Variants in PER3 observed in about 807,000 individuals in gnomAD.
The protein encoded by PER3 is period circadian protein homolog 3.
Under a neutral mutation model 127.2 loss-of-function variants are expected in PER3, and 107 were observed. That is an observed-to-expected ratio of 0.84 (90% CI 0.72 to 0.99). PER3 has a LOEUF of 0.99. Among genes scored for constraint, PER3 ranks in the 50% least tolerant of loss-of-function variants. The probability of loss-of-function intolerance (pLI) is 0.00; values close to 1 mark genes in which losing one functional copy is unlikely to be tolerated. For missense variants in PER3, 1,560 were observed against 1,525.8 expected (o/e 1.02, Z -0.37); for synonymous variants, 618 against 585.8 (o/e 1.05, Z -0.79).
intron 16 of PER3, among the ~76,000 whole-genome samples, chr1:7,823,543 G>A (rs987627031): frequency 5.9e-5 from 9 of 152,046 alleles, no homozygotes; most frequent in Non-Finnish European, 1.2e-4. Context: ...TCAGGAGGCT[G>A]AGGCAGGAGA....
At chr1:7,810,660 A>G in intron 13 of PER3, 72 bp downstream of exon 13, 2 of 1,407,486 alleles carry the variant, frequency 1.4e-6, no homozygotes, top group Non-Finnish European at 1.9e-6. Context: ...CATGTATGTG[A>G]TTCGTGAGCA....
intron 16 of PER3, among the ~76,000 whole-genome samples, chr1:7,823,557 G>A (rs697689): frequency 0.22 from 33,698 of 151,810 alleles, 4,338 homozygotes; most frequent in East Asian, 0.47. Context: ...CAGGAGAATC[G>A]CTTGAACCTG....
rs140752823 is a variant in PER3, at chr1:7,826,797, T to G, written c.2188+87T>G. On this transcript the variant is annotated intron_variant, in intron 17 of 21. Coordinates refer to ENST00000377532, the MANE Select transcript of PER3 (RefSeq NM_001377275.1). The surrounding 1 kb of genome is among the most constrained non-coding windows in gnomAD (Gnocchi z 4.2). The stretch of plus-strand genomic sequence containing the variant: ...GGACTAGGAGATAAGGAGTGAACAA[T>G]AGGAGTTTTACTTGTAAGAAACTGA... 2 of 781,368 alleles carry G rather than the reference T, an allele frequency of 2.6e-6. No individual in the cohort carries two copies. Among genetic ancestry groups the G allele is most frequent in the African/African-American group, 1.7e-5 (1 of 57,480 alleles). The allele number at this position is 781,368 out of a possible 1,614,324, so 48.4% of individuals were successfully genotyped here.
chr1:7,822,251 A>G (rs2097280198), intron 16 of PER3, among the ~76,000 whole-genome samples: 1 of 123,756 alleles, frequency 8.1e-6, no homozygotes, highest in Non-Finnish European at 1.7e-5. Context: ...AAAAAATTTA[A>G]AAAAAAATTT....
intron 7 of PER3, among the ~76,000 whole-genome samples, chr1:7,799,370 C>T (rs1230538288): frequency 2.0e-5 from 3 of 151,976 alleles, no homozygotes; most frequent in Admixed American, 6.6e-5. Context: ...TTTGGGAGGC[C>T]GAGGCGGGTG....
chr1:7,825,795 G>A (rs1459528632), intron 16 of PER3, among the ~76,000 whole-genome samples: 11 of 151,672 alleles, frequency 7.3e-5, no homozygotes, highest in Admixed American at 4.6e-4. Flanking sequence ...GGAGGCTGAA[G>A]CAGGAGAATC....
intron 13 of PER3, among the ~76,000 whole-genome samples, chr1:7,818,737 G>C (rs1406598899): frequency 6.6e-6 from 1 of 152,150 alleles, no homozygotes; most frequent in Admixed American, 6.5e-5. Flanking sequence ...TAGTTTCTCA[G>C]TTGCTTTAGC....
intron 13 of PER3, among the ~76,000 whole-genome samples, chr1:7,817,426 C>T (rs772910615): frequency 6.6e-6 from 1 of 152,200 alleles, no homozygotes; most frequent in African/African-American, 2.4e-5. Flanking sequence ...AACAGTGCTT[C>T]AACTGTATCT....
intron 13 of PER3, among the ~76,000 whole-genome samples, chr1:7,818,362 G>A (rs1003693636): frequency 3.3e-5 from 5 of 152,180 alleles, no homozygotes; most frequent in African/African-American, 1.2e-4. Flanking sequence ...AGGTAATACA[G>A]TCATTTTTCC....
In PER3 at chr1:7,798,264, G is replaced by GGAGAAAAGTCATGGAACCAC. The variant is rs2097154687; in HGVS notation, c.645-260_645-241dup. On this transcript the variant is annotated intron_variant, in intron 6 of 21. Coordinates refer to ENST00000377532, the MANE Select transcript of PER3 (RefSeq NM_001377275.1). ...CTGGGAATGCATCACATGGAGGCCAGGAGAAAAGTCATGGAACCACTAATT... is the reference window on the plus strand; with the variant it reads ...CTGGGAATGCATCACATGGAGGCCAGGAGAAAAGTCATGGAACCACGAGAAAAGTCATGGAACCACTAATT... Among the ~76,000 whole-genome samples the GGAGAAAAGTCATGGAACCAC allele has an allele frequency of 5.9e-5, 9 of 152,324 alleles. No individual in the cohort carries two copies. The South Asian group carries it at 1.9e-3, about 32-fold the overall frequency.
Position 7,826,762 on chromosome 1 carries a change from C to T in PER3, c.2188+52C>T. On this transcript the variant is annotated intron_variant, in intron 17 of 21. Coordinates refer to ENST00000377532, the MANE Select transcript of PER3 (RefSeq NM_001377275.1). This position sits in a 1 kb window ranked among gnomAD's most constrained non-coding sequence, Gnocchi z 4.2. ...CATTAATCTATGTAAATGTTACAAA[C>T]TGTATCTAAGGACTAGGAGATAAGG... 1 of 1,089,226 alleles carries T rather than the reference C, an allele frequency of 9.2e-7. No individual in the cohort carries two copies. 67.5% of individuals were successfully genotyped at this position (1,089,226 alleles called of 1,614,324 possible). A position where few individuals can be genotyped will look rare whatever the true frequency, so the allele number is the denominator to read the frequency against.
chr1:7,785,992 C>T (rs1276147038), intron 3 of PER3, among the ~76,000 whole-genome samples: 1 of 152,224 alleles, frequency 6.6e-6, no homozygotes, highest in Non-Finnish European at 1.5e-5. Context: ...CGCGGTGCCT[C>T]ACGCCTGTAA....
intron 10 of PER3, among the ~76,000 whole-genome samples, chr1:7,805,761 G>C (rs1039788787): frequency 3.3e-5 from 5 of 152,132 alleles, no homozygotes; most frequent in Admixed American, 2.0e-4. Context: ...CTCGTTGATG[G>C]TCTGTGTTCC....
chr1:7,805,702 G>A (rs989846285), intron 10 of PER3, among the ~76,000 whole-genome samples: 22 of 152,134 alleles, frequency 1.4e-4, no homozygotes, highest in Admixed American at 5.9e-4. Context: ...TGGCATGAAC[G>A]TAGGAAACTG....
At chr1:7,818,030 C>T (rs1243830820) in intron 13 of PER3, among the ~76,000 whole-genome samples, 1 of 152,126 alleles carries the variant, frequency 6.6e-6, no homozygotes, top group East Asian at 1.9e-4. Context: ...GCATTCTCTC[C>T]CCAAATGCAT....
At chr1:7,825,180 G>A (rs1055811435) in intron 16 of PER3, among the ~76,000 whole-genome samples, 2 of 151,884 alleles carry the variant, frequency 1.3e-5, no homozygotes, top group South Asian at 2.1e-4. Flanking sequence ...CAAACCACCC[G>A]GATGCTGCAC....
Position 7,842,744 on chromosome 1 carries a change from G to T in PER3, c.3622G>T (p.Asp1208Tyr), listed in dbSNP as rs916292331. 1.9e-6 allele frequency: 3 copies of T among 1,613,150 alleles called. No homozygotes were observed. The highest frequency in any genetic ancestry group is 1.1e-5 in the South Asian group (1 of 91,018). The change falls in exon 22 of 22, where the codon GAC (aspartate) becomes TAC (tyrosine). Residue 1208 changes from aspartate to tyrosine, a missense_variant. By Grantham distance (160) the Asp-to-Tyr change is radical. Transcript: ENST00000377532. ...ATSCGQVLVE[D>Y]SC ...ATCCTGTGGTCAGGTTCTGGTAGAA[G>T]ACAGCTGTTGAGTGACTGTGAGGAT...
At chr1:7,815,991 C>CAA (rs34144861) in intron 13 of PER3, among the ~76,000 whole-genome samples, 15,217 of 68,082 alleles carry the variant, frequency 0.22, 2,141 homozygotes, top group Admixed American at 0.31. Context: ...GACTCCGTCT[C>CAA]AAAAAAAAAA....
chr1:7,828,244 C>CA (rs2097312469), intron 18 of PER3, among the ~76,000 whole-genome samples: 1 of 152,214 alleles, frequency 6.6e-6, no homozygotes, highest in East Asian at 1.9e-4. Context: ...CATGCACAGT[C>CA]ACAGGACAAC....
Sources: allele counts gnomAD v4.1 joint callset (sites outside exome capture counted in the v4.1 genomes callset), GRCh38; gene constraint gnomAD v4.1.1; non-coding constraint Gnocchi (gnomAD v3.1); transcripts MANE v1.5; gene names NCBI Gene and HGNC (gene_info 2026-07-23, HGNC 2026-07-21).